Variants in PRKD1 observed in about 807,000 individuals in gnomAD.
PRKD1 encodes the protein serine/threonine-protein kinase D1.
In PRKD1, 63 loss-of-function variants were observed where a neutral mutation model predicts 95.9. That is an observed-to-expected ratio of 0.66 (90% CI 0.54 to 0.81). The LOEUF (loss-of-function observed/expected upper bound fraction) is 0.81. Among genes scored for constraint, PRKD1 ranks in the 30% least tolerant of loss-of-function variants. The pLI, the probability that PRKD1 is intolerant of heterozygous loss-of-function variation, is 0.00. For synonymous variants in PRKD1, 425 were observed against 423.1 expected (o/e 1.00, Z -0.05); for missense variants, 1,048 against 1,165.3 (o/e 0.90, Z 1.47).
At chr14:29,915,607 T>C (rs969736688) in intron 1 of PRKD1, among the ~76,000 whole-genome samples, 1 of 152,196 alleles carries the variant, frequency 6.6e-6, no homozygotes, top group Admixed American at 6.5e-5. Context: ...AGAATCCTTG[T>C]AGTAGTGGCC....
At chr14:29,816,021 C>A (rs529559374) in intron 1 of PRKD1, among the ~76,000 whole-genome samples, 42 of 152,200 alleles carry the variant, frequency 2.8e-4, no homozygotes, top group African/African-American at 9.4e-4. Flanking sequence ...AGATCGAGAC[C>A]ATCCTGGCCA....
At chr14:29,821,330 TG>T (rs560904418) in intron 1 of PRKD1, among the ~76,000 whole-genome samples, 56 of 152,274 alleles carry the variant, frequency 3.7e-4, no homozygotes, top group African/African-American at 1.2e-3. Flanking sequence ...CAGAATTCCG[TG>T]GTAACTCAGA....
chr14:29,652,214 G>A (rs1163881396), intron 4 of PRKD1, among the ~76,000 whole-genome samples: 2 of 152,178 alleles, frequency 1.3e-5, no homozygotes, highest in African/African-American at 4.8e-5. Context: ...GTCTTGTCAG[G>A]AGTGCTGTGG....
At chr14:29,630,223 T>A (rs1233487463) in intron 10 of PRKD1, among the ~76,000 whole-genome samples, 1 of 152,166 alleles carries the variant, frequency 6.6e-6, no homozygotes, top group Non-Finnish European at 1.5e-5. Context: ...CACTGCAACC[T>A]ATGCTTCCTG....
chr14:29,803,324 G>C (rs1345809199), intron 1 of PRKD1, among the ~76,000 whole-genome samples: 1 of 152,164 alleles, frequency 6.6e-6, no homozygotes. Flanking sequence ...GGTCTAGCAA[G>C]AATATTTTAA....
Position 29,666,312 on chromosome 14 carries a change from G to A in PRKD1, c.404-104C>T, listed in dbSNP as rs45579136. ...ATGCCAGTACGGATATAACTCCCTA[G>A]GCAAAGTTAGGGAAGATAAGATGCA... On this transcript the variant is annotated intron_variant, in intron 2 of 17. Transcript: ENST00000331968. The A allele has an allele frequency of 3.3e-4, 395 of 1,201,256 alleles. 1 individual carries two copies. In the African/African-American group the frequency reaches 5.2e-3, roughly 16 times the overall value. The allele number at this position is 1,201,256 out of a possible 1,614,324, so 74.4% of individuals were successfully genotyped here.
At chr14:29,697,594 T>C (rs1884598149) in intron 2 of PRKD1, among the ~76,000 whole-genome samples, 1 of 152,174 alleles carries the variant, frequency 6.6e-6, no homozygotes, top group African/African-American at 2.4e-5. Context: ...TTTATTAAAA[T>C]CTATGTGCAA....
intron 1 of PRKD1, among the ~76,000 whole-genome samples, chr14:29,888,345 G>C (rs1893812868): frequency 6.6e-6 from 1 of 151,170 alleles, no homozygotes; most frequent in African/African-American, 2.4e-5. Flanking sequence ...AAGAAAGAAA[G>C]AGAAAATAAA....
intron 1 of PRKD1, among the ~76,000 whole-genome samples, chr14:29,841,151 T>C (rs964929943): frequency 2.0e-5 from 3 of 152,214 alleles, no homozygotes; most frequent in African/African-American, 7.2e-5. Flanking sequence ...ATCAACGAAG[T>C]AACTAACTTG....
chr14:29,888,735 T>A (rs141767631), intron 1 of PRKD1, among the ~76,000 whole-genome samples: 2 of 152,092 alleles, frequency 1.3e-5, no homozygotes, highest in Non-Finnish European at 2.9e-5. Flanking sequence ...AAATCAGAAA[T>A]TCAGCTCCTC....
At chr14:29,735,301 G>C (rs1345078884) in intron 1 of PRKD1, among the ~76,000 whole-genome samples, 1 of 152,136 alleles carries the variant, frequency 6.6e-6, no homozygotes, top group Non-Finnish European at 1.5e-5. Context: ...ATAACTCTCA[G>C]GCTCCAGTTT....
chr14:29,874,341 T>C (rs751785173), intron 1 of PRKD1, among the ~76,000 whole-genome samples: 4 of 152,206 alleles, frequency 2.6e-5, no homozygotes, highest in Admixed American at 6.5e-5. Flanking sequence ...CTGGTGAGGA[T>C]GCAAAGCAAA....
intron 1 of PRKD1, among the ~76,000 whole-genome samples, chr14:29,823,851 C>T (rs752668979): frequency 3.2e-4 from 48 of 152,120 alleles, no homozygotes; most frequent in Non-Finnish European, 4.9e-4. Flanking sequence ...CTGCTGAAGT[C>T]GAAGAAACAG....
At position 29,642,123 on chromosome 14, in the gene PRKD1, G is replaced by A. The variant is rs555320239; in HGVS notation, c.697-3219C>T. On this transcript the variant is annotated intron_variant, in intron 4 of 17. Transcript: ENST00000331968. Reference sequence around the variant, plus strand: ...TCTCCATGTTCGTCAGGCTGGTCTCGAACTCCTGACCTCAGGTGATCCACC... The same window carrying A: ...TCTCCATGTTCGTCAGGCTGGTCTCAAACTCCTGACCTCAGGTGATCCACC... Among the ~76,000 whole-genome samples, 9 of 151,864 alleles carry A rather than the reference G, an allele frequency of 5.9e-5. No individual in the cohort carries two copies. The South Asian group carries it at 8.3e-4, about 14-fold the overall frequency.
intron 1 of PRKD1, among the ~76,000 whole-genome samples, chr14:29,909,055 G>A (rs929484213): frequency 1.6e-4 from 24 of 152,158 alleles, no homozygotes; most frequent in Non-Finnish European, 2.9e-4. Context: ...CATGAGTTCC[G>A]GGTGGGCGTG....
intron 1 of PRKD1, among the ~76,000 whole-genome samples, chr14:29,888,649 C>G (rs1186285170): frequency 6.6e-6 from 1 of 152,068 alleles, no homozygotes; most frequent in Admixed American, 6.5e-5. Context: ...TAGGAGAATA[C>G]TGGAAATAAA....
chr14:29,910,202 T>C (rs1170714729), intron 1 of PRKD1, among the ~76,000 whole-genome samples: 2 of 151,992 alleles, frequency 1.3e-5, no homozygotes, highest in East Asian at 3.9e-4. Flanking sequence ...AGTGAGACCA[T>C]GAACCTACTG....
chr14:29,729,949 G>A (rs890724356), intron 1 of PRKD1, among the ~76,000 whole-genome samples: 2 of 151,908 alleles, frequency 1.3e-5, no homozygotes, highest in Admixed American at 1.3e-4. Context: ...AGAAGATGTG[G>A]AGACAACTCC....
chr14:29,588,289 G>A (rs1893005000), intron 16 of PRKD1, among the ~76,000 whole-genome samples: 1 of 152,124 alleles, frequency 6.6e-6, no homozygotes. Context: ...CAACTTAAGT[G>A]TTTAGCGTTC....
Sources: gnomAD v4.1 joint callset for allele counts (sites outside exome capture counted in the v4.1 genomes callset) on GRCh38, gnomAD v4.1.1 for gene constraint, MANE v1.5 for transcripts, NCBI Gene and HGNC (gene_info 2026-07-23, HGNC 2026-07-21) for gene names.